KIAA1549: variants seen among roughly 807,000 people sequenced by gnomAD.
The protein encoded by KIAA1549 is KIAA1549.
A neutral mutation model predicts 156.4 loss-of-function variants in KIAA1549; 70 were observed. The observed-to-expected ratio is 0.45, with a 90% CI of 0.37 to 0.55. The LOEUF (loss-of-function observed/expected upper bound fraction) is 0.55. KIAA1549 is among the 20% of genes least tolerant of loss of function. The probability of loss-of-function intolerance (pLI) is 0.00; values close to 1 mark genes in which losing one functional copy is unlikely to be tolerated. For synonymous variants in KIAA1549, 1,103 were observed against 1,066.4 expected (o/e 1.03, Z -0.67); for missense variants, 2,428 against 2,540.9 (o/e 0.96, Z 0.96).
rs566055468 is a variant in KIAA1549 at position 138,900,146 on chromosome 7, G to A, written c.3670-1014C>T. Among the ~76,000 whole-genome samples, 8 of 152,214 alleles carry A rather than the reference G, an allele frequency of 5.3e-5. No homozygotes were observed. In the South Asian group the frequency reaches 1.7e-3, roughly 32 times the overall value. ...GGTTTGTAACACTGCCCTGTGCTCTGGACACAGCTGCTGGACCCCTCCTTC... is the reference window on the plus strand; with the variant it reads ...GGTTTGTAACACTGCCCTGTGCTCTAGACACAGCTGCTGGACCCCTCCTTC... On this transcript the variant is annotated intron_variant, in intron 8 of 19. Transcript: ENST00000422774.
chr7:138,863,573 T>C (rs548581466), intron 15 of KIAA1549, among the ~76,000 whole-genome samples: 21 of 152,218 alleles, frequency 1.4e-4, no homozygotes, highest in African/African-American at 5.1e-4. Flanking sequence ...TTTTAATTGA[T>C]AGCCATTATT....
Position 138,834,385 on chromosome 7 carries a change from G to A in KIAA1549, c.*3521C>T, listed in dbSNP as rs1809641343. 1 of 193,102 alleles carries A rather than the reference G, an allele frequency of 5.2e-6. No homozygotes were observed. The highest frequency in any genetic ancestry group is 1.1e-5 in the Non-Finnish European group (1 of 92,588). The allele number at this position is 193,102 out of a possible 1,614,324, so 12.0% of individuals were successfully genotyped here. A position where few individuals can be genotyped will look rare whatever the true frequency, so the allele number is the denominator to read the frequency against. ...GCTGGTTTTAAGCTCTTGATCTCAA[G>A]TGATCCACCTGCCTCAGCCTCCCAA... is the stretch of plus-strand genomic sequence containing the variant. On this transcript the variant is annotated 3_prime_UTR_variant, in exon 20 of 20. Coordinates refer to ENST00000422774, the MANE Select transcript of KIAA1549 (RefSeq NM_001164665.2).
At chr7:138,839,480 C>T (rs1809843710) in intron 19 of KIAA1549, among the ~76,000 whole-genome samples, 1 of 152,138 alleles carries the variant, frequency 6.6e-6, no homozygotes, top group African/African-American at 2.4e-5. Context: ...GGTCATAATA[C>T]AAATGACATT....
At chr7:138,902,714 C>CA (rs1349406688) in intron 8 of KIAA1549, among the ~76,000 whole-genome samples, 1 of 152,052 alleles carries the variant, frequency 6.6e-6, no homozygotes, top group Non-Finnish European at 1.5e-5. Context: ...GAGGCTGAGG[C>CA]AAAAGAGTCG....
At position 138,918,693 on chromosome 7, in the gene KIAA1549, T is replaced by TGGAGGCTGTGAGACCTCCCCC. The variant is rs754784340; in HGVS notation, c.912_932dup (p.Gly305_Pro311dup). The stretch of plus-strand genomic sequence containing the variant: ...CTGCACTTGTGGCCCAAACCTCCTC[T>TGGAGGCTGTGAGACCTCCCCC]GGAGGCTGTGAGACCTCCCCCAAGG... On this transcript the variant is annotated inframe_insertion, in exon 2 of 20. Transcript: ENST00000422774. This position sits in a 1 kb window ranked among gnomAD's most constrained non-coding sequence, Gnocchi z 4.2. 2.5e-6 allele frequency: 4 copies of TGGAGGCTGTGAGACCTCCCCC among 1,613,844 alleles called. No homozygotes were observed. Among genetic ancestry groups the TGGAGGCTGTGAGACCTCCCCC allele is most frequent in the Non-Finnish European group, 3.4e-6 (4 of 1,179,896 alleles).
At chr7:138,931,106 TTTA>T (rs1554424066) in intron 1 of KIAA1549, among the ~76,000 whole-genome samples, 4 of 152,198 alleles carry the variant, frequency 2.6e-5, no homozygotes, top group Non-Finnish European at 5.9e-5. Flanking sequence ...GACACGCACA[TTTA>T]TTAAGTTTGC....
intron 16 of KIAA1549, among the ~76,000 whole-genome samples, chr7:138,859,888 A>T (rs1810503684): frequency 6.6e-6 from 1 of 152,198 alleles, no homozygotes; most frequent in East Asian, 1.9e-4. Context: ...CACCAGGAAC[A>T]TCCTTCTTCA....
chr7:138,904,345 T>C (rs1811946958), intron 7 of KIAA1549, among the ~76,000 whole-genome samples: 1 of 152,132 alleles, frequency 6.6e-6, no homozygotes, highest in Admixed American at 6.5e-5. Context: ...CTATAGAAAT[T>C]ATCTGGAAAA....
rs916381242 is a variant in KIAA1549, at chr7:138,835,876, C to A, written c.*2030G>T. 2 of 219,700 alleles carry A rather than the reference C, an allele frequency of 9.1e-6. No individual in the cohort carries two copies. The highest frequency in any genetic ancestry group is 4.5e-5 in the African/African-American group (2 of 44,608). 13.6% of individuals were successfully genotyped at this position (219,700 alleles called of 1,614,324 possible). On this transcript the variant is annotated 3_prime_UTR_variant, in exon 20 of 20. Transcript: ENST00000422774. ...AAGATGCTGCTGGTCCTTTGTTGAA[C>A]GTCCTTGAGAGACTTACTCTCCTGC...
At chr7:138,930,023 T>A (rs1212847647) in intron 1 of KIAA1549, among the ~76,000 whole-genome samples, 1 of 152,204 alleles carries the variant, frequency 6.6e-6, no homozygotes, top group Non-Finnish European at 1.5e-5. Context: ...TCAAAATTAC[T>A]CTTGATCCAT....
At chr7:138,847,499 G>A (rs1277649698) in intron 17 of KIAA1549, among the ~76,000 whole-genome samples, 1 of 152,192 alleles carries the variant, frequency 6.6e-6, no homozygotes, top group Non-Finnish European at 1.5e-5. Context: ...TGTGACTTCT[G>A]GTCACTGAAG....
chr7:138,853,709 CA>C (rs1308331216), intron 16 of KIAA1549, among the ~76,000 whole-genome samples: 1 of 151,946 alleles, frequency 6.6e-6, no homozygotes, highest in Admixed American at 6.6e-5. Context: ...CCAACTGAGG[CA>C]AAACAAGGGA....
chr7:138,910,983 A>C (rs1267017496), intron 4 of KIAA1549, among the ~76,000 whole-genome samples, 163 bp downstream of exon 4: 5 of 152,242 alleles, frequency 3.3e-5, no homozygotes, highest in South Asian at 2.1e-4. Flanking sequence ...AGTGAGCTAT[A>C]ATCACACCAC....
intron 1 of KIAA1549, among the ~76,000 whole-genome samples, chr7:138,951,084 A>G (rs1260190815): frequency 1.3e-5 from 2 of 150,588 alleles, no homozygotes; most frequent in Non-Finnish European, 2.9e-5. Context: ...TTTTGTTTTG[A>G]GATAAGAGTC....
chr7:138,864,917 T>A (rs1484684087), intron 15 of KIAA1549, among the ~76,000 whole-genome samples: 1 of 152,094 alleles, frequency 6.6e-6, no homozygotes, highest in Non-Finnish European at 1.5e-5. Flanking sequence ...AACAAATGGG[T>A]GCGGTTGTGT....
At chr7:138,935,026 C>G (rs1412197415) in intron 1 of KIAA1549, among the ~76,000 whole-genome samples, 1 of 152,180 alleles carries the variant, frequency 6.6e-6, no homozygotes, top group African/African-American at 2.4e-5. Context: ...CAGTGCCCCC[C>G]GGAGAAATCC....
intron 8 of KIAA1549, among the ~76,000 whole-genome samples, chr7:138,901,160 C>G (rs1811829584): frequency 6.6e-6 from 1 of 152,076 alleles, no homozygotes; most frequent in Admixed American, 6.5e-5. Context: ...TTGAAAAACA[C>G]ATGCAAAAAA....
chr7:138,927,888 C>T (rs948439055), intron 1 of KIAA1549, among the ~76,000 whole-genome samples: 32 of 150,976 alleles, frequency 2.1e-4, no homozygotes, highest in South Asian at 1.3e-3. Flanking sequence ...TCAATATCTG[C>T]GGGCCACTCA....
intron 1 of KIAA1549, among the ~76,000 whole-genome samples, chr7:138,941,948 T>C (rs543545777): frequency 1.5e-4 from 22 of 150,958 alleles, no homozygotes; most frequent in African/African-American, 4.6e-4. Flanking sequence ...GTGACTCAAA[T>C]GTTAAATTTT....
Sources: allele counts gnomAD v4.1 joint callset (sites outside exome capture counted in the v4.1 genomes callset), GRCh38; gene constraint gnomAD v4.1.1; non-coding constraint Gnocchi (gnomAD v3.1); transcripts MANE v1.5; gene names NCBI Gene and HGNC (gene_info 2026-07-23, HGNC 2026-07-21).